Variants in PHLPP1 observed in about 807,000 individuals in gnomAD.
PHLPP1 encodes the protein PH domain leucine-rich repeat-containing protein phosphatase 1.
In PHLPP1, 42 loss-of-function variants were observed where a neutral mutation model predicts 117.2. That is an observed-to-expected ratio of 0.36 (90% CI 0.28 to 0.46). The LOEUF (loss-of-function observed/expected upper bound fraction) is 0.46, where lower values mean the gene tolerates loss of function less well. Among genes scored for constraint, PHLPP1 ranks in the 20% least tolerant of loss-of-function variants. The pLI is 1.00. For synonymous variants in PHLPP1, 1,042 were observed against 970.7 expected (o/e 1.07, Z -1.37); for missense variants, 2,084 against 2,241.9 (o/e 0.93, Z 1.42).
chr18:62,849,429 G>A (rs1915264181), intron 3 of PHLPP1, among the ~76,000 whole-genome samples: 1 of 151,980 alleles, frequency 6.6e-6, no homozygotes, highest in African/African-American at 2.4e-5. Context: ...GGGAAGCTGA[G>A]GCGGGTGGAT....
intron 1 of PHLPP1, among the ~76,000 whole-genome samples, chr18:62,825,263 A>G (rs897631243): frequency 2.6e-5 from 4 of 151,538 alleles, no homozygotes; most frequent in Admixed American, 6.6e-5. Flanking sequence ...CCAGCCCAAT[A>G]TGTACTTTCT....
At chr18:62,861,140 C>G (rs965320465) in intron 4 of PHLPP1, among the ~76,000 whole-genome samples, 1 of 151,998 alleles carries the variant, frequency 6.6e-6, no homozygotes, top group Non-Finnish European at 1.5e-5. Flanking sequence ...GAGACAGAGT[C>G]TTGCTCTGTC....
intron 12 of PHLPP1, among the ~76,000 whole-genome samples, chr18:62,954,377 G>A (rs921275495): frequency 6.6e-6 from 1 of 152,146 alleles, no homozygotes; most frequent in African/African-American, 2.4e-5. Flanking sequence ...AACCATAGAG[G>A]TACATATATT....
intron 1 of PHLPP1, among the ~76,000 whole-genome samples, chr18:62,798,007 A>G (rs1913674226): frequency 6.6e-6 from 1 of 152,234 alleles, no homozygotes; most frequent in Non-Finnish European, 1.5e-5. Context: ...TCTTAAATAA[A>G]ATAGTTGATT....
chr18:62,816,428 A>G (rs139909031), intron 1 of PHLPP1, among the ~76,000 whole-genome samples: 2,082 of 152,232 alleles, frequency 0.014, 41 homozygotes, highest in African/African-American at 0.048. Context: ...TTAGCTGGGC[A>G]TGGTGGCACG....
At chr18:62,740,385 A>T (rs905375066) in intron 1 of PHLPP1, among the ~76,000 whole-genome samples, 2 of 152,144 alleles carry the variant, frequency 1.3e-5, no homozygotes, top group African/African-American at 4.8e-5. Context: ...TGAAGAATGT[A>T]TTTTCCATTC....
intron 1 of PHLPP1, 104 bp from the exon 2 acceptor site, chr18:62,829,931 C>T: frequency 2.8e-6 from 2 of 701,914 alleles, no homozygotes; most frequent in Non-Finnish European, 4.5e-6. Flanking sequence ...TATAATTTTC[C>T]CTTGAATTAT....
intron 1 of PHLPP1, among the ~76,000 whole-genome samples, chr18:62,773,686 T>G (rs1912865656): frequency 6.6e-6 from 1 of 152,230 alleles, no homozygotes; most frequent in African/African-American, 2.4e-5. Flanking sequence ...AACTGAAATT[T>G]GAAAAGCCAT....
At position 62,842,332 on chromosome 18, in the gene PHLPP1, G is replaced by A. The variant is rs572766436; in HGVS notation, c.1899+3423G>A. On this transcript the variant is annotated intron_variant, in intron 3 of 16. Coordinates refer to ENST00000262719, the MANE Select transcript of PHLPP1 (RefSeq NM_194449.4). ...TGATTTCCTCCTGAGAAGTTGGGGT[G>A]GGGAACAGAGGGTGTTACATTTTAG... is the stretch of plus-strand genomic sequence containing the variant. Among the ~76,000 whole-genome samples, 333 of 152,160 alleles carry A rather than the reference G, an allele frequency of 2.2e-3. 1 individual carries two copies. The highest frequency in any genetic ancestry group is 6.8e-3 in the Middle Eastern group (2 of 294).
At chr18:62,952,354 T>G (rs2036126753) in intron 12 of PHLPP1, among the ~76,000 whole-genome samples, 1 of 152,174 alleles carries the variant, frequency 6.6e-6, no homozygotes, top group African/African-American at 2.4e-5. Context: ...TAACTTAGTT[T>G]TAGTGTTTGA....
intron 6 of PHLPP1, among the ~76,000 whole-genome samples, chr18:62,901,925 T>C (rs919648058): frequency 6.6e-6 from 1 of 152,058 alleles, no homozygotes; most frequent in South Asian, 2.1e-4. Context: ...ATCGCACCCA[T>C]CCTATATTAA....
At chr18:62,721,171 C>T (rs1910904852) in intron 1 of PHLPP1, among the ~76,000 whole-genome samples, 1 of 152,050 alleles carries the variant, frequency 6.6e-6, no homozygotes, top group Non-Finnish European at 1.5e-5. Context: ...GTGGATGGTT[C>T]TGTTTATCAT....
At chr18:62,929,273 T>G (rs1427275920) in intron 10 of PHLPP1, among the ~76,000 whole-genome samples, 2 of 152,202 alleles carry the variant, frequency 1.3e-5, no homozygotes, top group Non-Finnish European at 2.9e-5. Flanking sequence ...ATGTAGCTTT[T>G]TAGGTATACA....
chr18:62,833,815 TTTG>T (rs1238126018), intron 2 of PHLPP1, among the ~76,000 whole-genome samples: 1 of 152,182 alleles, frequency 6.6e-6, no homozygotes, highest in African/African-American at 2.4e-5. Context: ...TTGCTTTCAG[TTTG>T]TTGTTGTTAT....
chr18:62,745,541 T>A (rs1171757431), intron 1 of PHLPP1, among the ~76,000 whole-genome samples: 1 of 152,170 alleles, frequency 6.6e-6, no homozygotes. Flanking sequence ...AGAACTCTCA[T>A]TGAGAGCATG....
intron 8 of PHLPP1, among the ~76,000 whole-genome samples, chr18:62,907,159 T>G (rs1916869744): frequency 1.2e-3 from 3 of 2,580 alleles, no homozygotes; most frequent in Admixed American, 5.1e-3. Flanking sequence ...CATCTGTACA[T>G]CACCATCATC....
intron 1 of PHLPP1, among the ~76,000 whole-genome samples, chr18:62,782,879 TTGTTTTTTGACTTCCAGTGGTC>T (rs1913158455): frequency 6.6e-6 from 1 of 152,152 alleles, no homozygotes; most frequent in South Asian, 2.1e-4. Flanking sequence ...AAAGCGCTAT[TTGTTTTTTGACTTCCAGTGGTC>T]TGTTTTTTGA....
intron 6 of PHLPP1, among the ~76,000 whole-genome samples, chr18:62,900,631 A>G (rs1391393472): frequency 6.6e-6 from 1 of 151,388 alleles, no homozygotes; most frequent in Non-Finnish European, 1.5e-5. Context: ...ATGGCTGGCT[A>G]ATTTTTTATT....
At chr18:62,966,729 A>G (rs1910915778) in intron 14 of PHLPP1, among the ~76,000 whole-genome samples, 1 of 152,140 alleles carries the variant, frequency 6.6e-6, no homozygotes, top group Non-Finnish European at 1.5e-5. Flanking sequence ...TCGGCCTCCC[A>G]AAGTGCTGGG....
Sources: allele counts gnomAD v4.1 joint callset (sites outside exome capture counted in the v4.1 genomes callset), GRCh38; gene constraint gnomAD v4.1.1; transcripts MANE v1.5; gene names NCBI Gene and HGNC (gene_info 2026-07-23, HGNC 2026-07-21).